TSHZ2: variants seen among roughly 807,000 people sequenced by gnomAD.
The protein encoded by TSHZ2 is teashirt zinc finger homeobox 2.
In TSHZ2, 21 loss-of-function variants were observed where a neutral mutation model predicts 74.4. The observed-to-expected ratio is 0.28, with a 90% confidence interval of 0.20 to 0.41. The LOEUF is 0.41. TSHZ2 is among the 10% of genes least tolerant of loss of function. TSHZ2 has a pLI of 1.00. For missense variants in TSHZ2, 1,244 were observed against 1,293.5 expected, an observed-to-expected ratio of 0.96 and a Z score of 0.59; for synonymous variants, 540 against 515.3, an observed-to-expected ratio of 1.05 and a Z score of -0.65.
chr20:53,156,583 G>A (rs990400861), intron 1 of TSHZ2, among the ~76,000 whole-genome samples: 1 of 152,138 alleles, frequency 6.6e-6, no homozygotes, highest in African/African-American at 2.4e-5. Context: ...TTTTCCCAAG[G>A]TTACCCATCC....
intron 1 of TSHZ2, among the ~76,000 whole-genome samples, chr20:53,027,713 C>T (rs549753843): frequency 2.0e-5 from 3 of 152,068 alleles, no homozygotes; most frequent in South Asian, 2.1e-4. Flanking sequence ...AAGTTAAGAT[C>T]GTGCCACTAC....
chr20:53,323,410 G>GATGAATTAATGA (rs1979352282), intron 2 of TSHZ2, among the ~76,000 whole-genome samples: 1 of 150,646 alleles, frequency 6.6e-6, no homozygotes, highest in Non-Finnish European at 1.5e-5. Flanking sequence ...ATACTTGTTT[G>GATGAATTAATGA]ATGAATGAAT....
intron 1 of TSHZ2, among the ~76,000 whole-genome samples, chr20:53,241,765 T>C (rs565446690): frequency 6.6e-6 from 1 of 152,216 alleles, no homozygotes; most frequent in South Asian, 2.1e-4. Context: ...GGTACTATTA[T>C]TATCTCCAAT....
intron 2 of TSHZ2, among the ~76,000 whole-genome samples, chr20:53,281,626 G>A (rs1288531265): frequency 6.6e-6 from 1 of 152,152 alleles, no homozygotes; most frequent in East Asian, 1.9e-4. Context: ...TGTCTCATGT[G>A]GGGGTCCTAG....
chr20:53,134,804 A>C (rs953695143), intron 1 of TSHZ2, among the ~76,000 whole-genome samples: 2 of 151,812 alleles, frequency 1.3e-5, no homozygotes, highest in African/African-American at 4.8e-5. Context: ...TGACCCTTTC[A>C]CTGTTGGTCC....
chr20:53,339,532 C>T (rs1980094796), intron 2 of TSHZ2, among the ~76,000 whole-genome samples: 2 of 152,188 alleles, frequency 1.3e-5, no homozygotes, highest in Non-Finnish European at 2.9e-5. Flanking sequence ...TGGCCACAGC[C>T]AGCTACATGA....
chr20:53,281,898 T>C (rs1358922430), intron 2 of TSHZ2, among the ~76,000 whole-genome samples: 2 of 152,152 alleles, frequency 1.3e-5, no homozygotes, highest in African/African-American at 4.8e-5. Flanking sequence ...TAGCCAGGGG[T>C]ACACACTTGA....
chr20:53,189,867 T>C (rs1431583348), intron 1 of TSHZ2, among the ~76,000 whole-genome samples: 1 of 151,522 alleles, frequency 6.6e-6, no homozygotes, highest in African/African-American at 2.4e-5. Context: ...GCAGATTGCT[T>C]AAGCTTGGGA....
At chr20:53,063,624 CTTAAGTGAATT>C (rs1984886898) in intron 1 of TSHZ2, among the ~76,000 whole-genome samples, 1 of 152,108 alleles carries the variant, frequency 6.6e-6, no homozygotes, top group Non-Finnish European at 1.5e-5. Context: ...TTCATCTTTT[CTTAAGTGAATT>C]GTAAGTGAAT....
chr20:53,002,007 G>A (rs966387061), intron 1 of TSHZ2, among the ~76,000 whole-genome samples: 6 of 152,166 alleles, frequency 3.9e-5, no homozygotes, highest in African/African-American at 1.4e-4. Context: ...AGGCTCTATT[G>A]TGAGGCACAC....
chr20:53,249,495 C>T (rs901464938), intron 1 of TSHZ2, among the ~76,000 whole-genome samples: 4 of 152,096 alleles, frequency 2.6e-5, no homozygotes, highest in African/African-American at 9.7e-5. Context: ...GGATTTCAGG[C>T]AGTAGGGTGA....
chr20:53,024,860 T>C, intron 1 of TSHZ2, among the ~76,000 whole-genome samples: 1 of 152,174 alleles, frequency 6.6e-6, no homozygotes, highest in East Asian at 1.9e-4. Context: ...TATTCCATGG[T>C]GTATATGTAC....
chr20:53,271,542 A>G (rs1990838885), intron 2 of TSHZ2, among the ~76,000 whole-genome samples: 1 of 152,214 alleles, frequency 6.6e-6, no homozygotes. Flanking sequence ...GAAGGAAGAC[A>G]ATGAAACCAC....
At chr20:53,485,286 G>C (rs1568938403) in intron 2 of TSHZ2, among the ~76,000 whole-genome samples, 1 of 152,178 alleles carries the variant, frequency 6.6e-6, no homozygotes, top group Non-Finnish European at 1.5e-5. Flanking sequence ...CATTATCGTA[G>C]TATCATAAAC....
chr20:53,227,180 ATATG>A (rs1600753381), intron 1 of TSHZ2, among the ~76,000 whole-genome samples: 2 of 152,144 alleles, frequency 1.3e-5, no homozygotes, highest in East Asian at 3.9e-4. Context: ...AGATGATAAT[ATATG>A]TATGAGATCC....
At chr20:53,481,223 C>T (rs1485442389) in intron 2 of TSHZ2, among the ~76,000 whole-genome samples, 2 of 152,004 alleles carry the variant, frequency 1.3e-5, no homozygotes, top group Admixed American at 1.3e-4. Context: ...CTGCCAGGAT[C>T]TCCTCTTTAG....
chr20:53,226,136 ACACAC>A (rs1989680668), intron 1 of TSHZ2, among the ~76,000 whole-genome samples: 2 of 78,924 alleles, frequency 2.5e-5, no homozygotes, highest in Non-Finnish European at 5.9e-5. Context: ...ACACACACAC[ACACAC>A]ACACACACAC....
intron 2 of TSHZ2, among the ~76,000 whole-genome samples, chr20:53,461,012 C>T (rs1332496707): frequency 1.3e-5 from 2 of 152,272 alleles, no homozygotes; most frequent in East Asian, 1.9e-4. Flanking sequence ...GTGCCCTGCC[C>T]CCAGAGGTGG....
Position 52,973,259 on chromosome 20 carries a change from G to A in TSHZ2, c.-35G>A. On this transcript the variant is annotated 5_prime_UTR_variant, in exon 1 of 3. An upstream open reading frame in the 5' UTR gains an earlier in-frame stop. Coordinates refer to ENST00000371497, the MANE Select transcript of TSHZ2 (RefSeq NM_173485.6). ...GGGCCCCAGCGCGCGGCTCGGGGCT[G>A]GGGCGCCAGAAGTGGGACTGGAGCG... 3 of 1,551,816 alleles carry A rather than the reference G, an allele frequency of 1.9e-6. No homozygotes were observed. The highest frequency in any genetic ancestry group is 2.6e-6 in the Non-Finnish European group (3 of 1,146,980).
Sources: gnomAD v4.1 joint callset for allele counts (sites outside exome capture counted in the v4.1 genomes callset) on GRCh38, gnomAD v4.1.1 for gene constraint, MANE v1.5 for transcripts, NCBI Gene and HGNC (gene_info 2026-07-23, HGNC 2026-07-21) for gene names.